Variants in ATAD1 observed in about 807,000 individuals in gnomAD.
The protein encoded by ATAD1 is ATPase family AAA domain containing 1.
ATAD1 carries 18 observed loss-of-function variants against 42.7 expected under a neutral mutation model. That is an observed-to-expected ratio of 0.42 (90% CI 0.29 to 0.63). ATAD1 has a LOEUF of 0.63. Among genes scored for constraint, ATAD1 ranks in the 20% least tolerant of loss-of-function variants. The pLI is 0.19. For missense variants in ATAD1, 294 were observed against 440.4 expected (o/e 0.67, Z 2.98); for synonymous variants, 132 against 143.1 (o/e 0.92, Z 0.55).
chr10:87,810,782 C>T (rs1857141174), intron 2 of ATAD1, among the ~76,000 whole-genome samples: 1 of 152,164 alleles, frequency 6.6e-6, no homozygotes, highest in African/African-American at 2.4e-5. Flanking sequence ...CTTTAAAACA[C>T]TGTGTCTTTA....
chr10:87,816,723 C>G (rs914452160), intron 1 of ATAD1, among the ~76,000 whole-genome samples: 2 of 152,144 alleles, frequency 1.3e-5, no homozygotes, highest in African/African-American at 2.4e-5. Flanking sequence ...AAAAAACTGA[C>G]TTTTCTAGTC....
In ATAD1 at chr10:87,818,187, A is replaced by G. The variant is rs897715082; in HGVS notation, c.-34T>C. 3 of 985,712 alleles carry G rather than the reference A, an allele frequency of 3.0e-6. No individual in the cohort carries two copies. Among genetic ancestry groups the G allele is most frequent in the South Asian group, 9.4e-5 (2 of 21,296 alleles). 61.1% of individuals were successfully genotyped at this position (985,712 alleles called of 1,614,324 possible). Reference sequence around the variant, plus strand: ...CTCACCCAGGGGCAGAAACAGCAAGAGCAAGTGCCCTCAGCCGGCCTCACA... The same window carrying G: ...CTCACCCAGGGGCAGAAACAGCAAGGGCAAGTGCCCTCAGCCGGCCTCACA... On this transcript the variant is annotated 5_prime_UTR_variant, in exon 1 of 10. Coordinates refer to ENST00000680024, the MANE Select transcript of ATAD1 (RefSeq NM_001321967.2).
At chr10:87,813,715 A>T (rs11202570) in intron 2 of ATAD1, among the ~76,000 whole-genome samples, 10,039 of 152,074 alleles carry the variant, frequency 0.066, 793 homozygotes, top group East Asian at 0.33. Context: ...CACAAGACAG[A>T]TCTAAAAATC....
At chr10:87,774,256 C>T (rs1302337703) in intron 6 of ATAD1, among the ~76,000 whole-genome samples, 1 of 152,202 alleles carries the variant, frequency 6.6e-6, no homozygotes. Context: ...ACGAATTAAG[C>T]TAAGGCTGGA....
intron 6 of ATAD1, 26 bp downstream of exon 6, chr10:87,776,295 G>C (rs759232768): frequency 6.4e-7 from 1 of 1,565,374 alleles, no homozygotes; most frequent in Admixed American, 1.8e-5. Context: ...ACCAACACAA[G>C]TTGAGGGCAG....
Position 87,754,664 on chromosome 10 carries a change from A to T in ATAD1, c.*23T>A, listed in dbSNP as rs765168074. On this transcript the variant is annotated 3_prime_UTR_variant, in exon 10 of 10. Transcript: ENST00000680024. ...GAGGACACACCAAACTAGATCACTG[A>T]ACTGTACAAATGATCTTTACTCTTA... 1 of 1,607,990 alleles carries T rather than the reference A, an allele frequency of 6.2e-7. No homozygotes were observed. Among genetic ancestry groups the T allele is most frequent in the Non-Finnish European group, 8.5e-7 (1 of 1,176,902 alleles).
chr10:87,778,575 A>G (rs1287861938), intron 5 of ATAD1, among the ~76,000 whole-genome samples: 1 of 152,210 alleles, frequency 6.6e-6, no homozygotes. Context: ...AATTTTGTGC[A>G]TGAAACAAAG....
chr10:87,838,882 T>C (rs761366093), intron 1 of ATAD1, among the ~76,000 whole-genome samples: 2 of 152,204 alleles, frequency 1.3e-5, no homozygotes, highest in Non-Finnish European at 2.9e-5. Context: ...TGTGAGAAAG[T>C]AGATTTCTGC....
At chr10:87,817,903 T>C (rs1857497605) in intron 1 of ATAD1, 7 of 985,396 alleles carry the variant, frequency 7.1e-6, no homozygotes, top group African/African-American at 1.7e-5. Flanking sequence ...CCCTCGGGAA[T>C]GGCACGAGTC....
chr10:87,804,298 G>T (rs1856828935), intron 2 of ATAD1, among the ~76,000 whole-genome samples: 1 of 152,150 alleles, frequency 6.6e-6, no homozygotes, highest in Admixed American at 6.5e-5. Context: ...CACTTTCTGT[G>T]TATAACTCGT....
At position 87,835,006 on chromosome 10, in the gene ATAD1, CT is replaced by C. The variant is rs199788222; in HGVS notation, c.-14+6180del. On this transcript the variant is annotated intron_variant, in intron 1 of 4. Coordinates refer to the ATAD1 transcript ENST00000495903. ...AGTTCAAAATATTTTTTCCTTTTGGCTTCCTCTTTGACCCATGGATTACTTA... is the reference window on the plus strand; with the variant it reads ...AGTTCAAAATATTTTTTCCTTTTGGCTCCTCTTTGACCCATGGATTACTTA... 3.1e-4 allele frequency among the ~76,000 whole-genome samples: 47 copies of C among 151,968 alleles called. No individual in the cohort carries two copies. In the East Asian group the frequency reaches 5.4e-3, roughly 17 times the overall value.
At chr10:87,792,786 G>T in intron 2 of ATAD1, 31 bp from the exon 3 acceptor site, 1 of 1,527,030 alleles carries the variant, frequency 6.5e-7, no homozygotes, top group Non-Finnish European at 9.1e-7. Flanking sequence ...AACCTGCTTT[G>T]ATTTGATATT....
intron 5 of ATAD1, among the ~76,000 whole-genome samples, chr10:87,783,154 C>A (rs1486094719): frequency 6.6e-6 from 1 of 152,010 alleles, no homozygotes; most frequent in Admixed American, 6.6e-5. Context: ...CAAGGCAGGG[C>A]AGATTGCTTG....
At chr10:87,755,035 CA>C (rs1251022494) in intron 9 of ATAD1, among the ~76,000 whole-genome samples, 2 of 152,166 alleles carry the variant, frequency 1.3e-5, no homozygotes, top group Admixed American at 6.5e-5. Context: ...ATAGAGAAAT[CA>C]TAAGGAATTT....
chr10:87,833,405 T>A (rs1857870053), intron 1 of ATAD1, among the ~76,000 whole-genome samples: 1 of 152,202 alleles, frequency 6.6e-6, no homozygotes, highest in Admixed American at 6.5e-5. Flanking sequence ...TAAACAATCA[T>A]GTCATCTGCA....
Position 87,836,800 on chromosome 10 carries a change from C to T in ATAD1, c.-14+4387G>A, listed in dbSNP as rs138494661. 3.2e-3 allele frequency among the ~76,000 whole-genome samples: 484 copies of T among 152,220 alleles called. 2 individuals carry two copies. Among genetic ancestry groups the T allele is most frequent in the African/African-American group, 0.011 (459 of 41,542 alleles). ...TCTTTCCTTTCTTCTTCTGGATCTC[C>T]GATATCATAAATGTTAGATATTTTG... On this transcript the variant is annotated intron_variant, in intron 1 of 4. Transcript: ENST00000495903.
chr10:87,828,881 C>T (rs1389456339), intron 1 of ATAD1, among the ~76,000 whole-genome samples: 1 of 152,180 alleles, frequency 6.6e-6, no homozygotes, highest in African/African-American at 2.4e-5. Flanking sequence ...AACAACAAAG[C>T]TGGGATGACA....
In ATAD1 at chr10:87,785,718, AT is replaced by A. The variant is rs1181816679; in HGVS notation, c.383-1049del. On this transcript the variant is annotated intron_variant, in intron 4 of 9. Transcript: ENST00000680024. ...TAATTTTGTATGAAAATTCCCAAAA[AT>A]ATCTCAATTTAAAAAAAAAAAGAAA... Among the ~76,000 whole-genome samples, 10 of 151,518 alleles carry A rather than the reference AT, an allele frequency of 6.6e-5. No individual in the cohort carries two copies. The East Asian group carries it at 7.7e-4, about 12-fold the overall frequency.
chr10:87,826,150 ACAG>A (rs78070884), intron 1 of ATAD1, among the ~76,000 whole-genome samples: 57,296 of 151,750 alleles, frequency 0.38, 11,285 homozygotes, highest in Non-Finnish European at 0.44. Context: ...GAACCAGAAA[ACAG>A]CAGCAGCAGC....
Sources: gnomAD v4.1 joint callset for allele counts (sites outside exome capture counted in the v4.1 genomes callset) on GRCh38, gnomAD v4.1.1 for gene constraint, MANE v1.5 for transcripts, NCBI Gene and HGNC (gene_info 2026-07-23, HGNC 2026-07-21) for gene names.